The following RNF144A variants were observed in gnomAD, a reference collection of about 807,000 sequenced individuals.
The protein encoded by RNF144A is ring finger protein 144A.
RNF144A carries 11 observed loss-of-function variants against 38.7 expected under a neutral mutation model. The observed-to-expected ratio is 0.28, with a 90% confidence interval of 0.18 to 0.47. The LOEUF (loss-of-function observed/expected upper bound fraction) is 0.47. Among genes scored for constraint, RNF144A ranks in the 20% least tolerant of loss-of-function variants. RNF144A has a pLI of 0.99. For missense variants in RNF144A, 316 were observed against 377.2 expected, an observed-to-expected ratio of 0.84 and a Z score of 1.34; for synonymous variants, 149 against 143.9, an observed-to-expected ratio of 1.04 and a Z score of -0.25.
In RNF144A at chr2:7,042,868, T is replaced by C. The variant is rs1308294802; in HGVS notation, c.*3108T>C. On this transcript the variant is annotated 3_prime_UTR_variant, in exon 9 of 9. Transcript: ENST00000320892. ...CATCTGCCACCTCTGGCATTTTCTT[T>C]CTTTTTTTTTCTTTTTGAGACGGAG... 2 of 984,910 alleles carry C rather than the reference T, an allele frequency of 2.0e-6. No homozygotes were observed. Among genetic ancestry groups the C allele is most frequent in the East Asian group, 2.3e-4 (2 of 8,822 alleles). The allele number at this position is 984,910 out of a possible 1,614,324, so 61.0% of individuals were successfully genotyped here.
At chr2:7,032,102 G>A (rs1672343260) in intron 8 of RNF144A, among the ~76,000 whole-genome samples, 1 of 152,284 alleles carries the variant, frequency 6.6e-6, no homozygotes, top group Admixed American at 6.5e-5. Flanking sequence ...TGGCCCCCGG[G>A]CCATGGCGTA....
chr2:6,923,926 C>T (rs999256893), intron 1 of RNF144A, among the ~76,000 whole-genome samples: 4 of 152,138 alleles, frequency 2.6e-5, no homozygotes, highest in Non-Finnish European at 4.4e-5. Flanking sequence ...CTCATTTTTA[C>T]ATTCTCTCAG....
At chr2:7,032,863 C>G (rs565165333) in intron 8 of RNF144A, among the ~76,000 whole-genome samples, 7 of 152,218 alleles carry the variant, frequency 4.6e-5, no homozygotes, top group Non-Finnish European at 1.0e-4. Context: ...CCTACACCCC[C>G]CTCCCCACGC....
At chr2:7,017,812 G>A (rs537751338) in intron 5 of RNF144A, among the ~76,000 whole-genome samples, 37 of 152,308 alleles carry the variant, frequency 2.4e-4, no homozygotes, top group African/African-American at 8.7e-4. Context: ...TGTTCACAGG[G>A]TGTGACATGC....
intron 6 of RNF144A, among the ~76,000 whole-genome samples, chr2:7,059,302 T>C (rs557251357): frequency 5.3e-5 from 8 of 152,156 alleles, no homozygotes; most frequent in African/African-American, 1.9e-4. Context: ...GCTGAGATCA[T>C]GCCACTGCAC....
In RNF144A at chr2:7,040,964, G is replaced by C. The variant is rs976756675; in HGVS notation, c.*1204G>C. The C allele has an allele frequency of 1.0e-6, 1 of 985,236 alleles. No homozygotes were observed. Among genetic ancestry groups the C allele is most frequent in the Non-Finnish European group, 1.2e-6 (1 of 829,908 alleles). The allele number at this position is 985,236 out of a possible 1,614,324, so 61.0% of individuals were successfully genotyped here. A position where few individuals can be genotyped will look rare whatever the true frequency, so the allele number is the denominator to read the frequency against. The stretch of plus-strand genomic sequence containing the variant: ...CAGGGCTGTCTGTGACCATTTCCAT[G>C]GCAGCAGGATGCAGGGATTAATAAG... On this transcript the variant is annotated 3_prime_UTR_variant, in exon 9 of 9. Transcript: ENST00000320892.
downstream of RNF144A, among the ~76,000 whole-genome samples, chr2:7,047,810 T>C (rs915248000): frequency 6.6e-5 from 10 of 152,182 alleles, no homozygotes; most frequent in African/African-American, 2.4e-4. Flanking sequence ...ATGGGTTGTG[T>C]TTCATGCTCA....
intron 2 of RNF144A, among the ~76,000 whole-genome samples, chr2:6,982,099 G>T (rs1211361303): frequency 6.6e-6 from 1 of 152,194 alleles, no homozygotes; most frequent in Non-Finnish European, 1.5e-5. Context: ...CCATGATCCA[G>T]TCGCCTCCCA....
At chr2:7,003,994 G>A (rs1341581783) in intron 3 of RNF144A, among the ~76,000 whole-genome samples, 1 of 152,242 alleles carries the variant, frequency 6.6e-6, no homozygotes, top group Non-Finnish European at 1.5e-5. Flanking sequence ...CCAAACTAAT[G>A]AATGGGGAAC....
chr2:6,957,799 G>T (rs1422814502), intron 2 of RNF144A, among the ~76,000 whole-genome samples: 1 of 152,228 alleles, frequency 6.6e-6, no homozygotes, highest in Non-Finnish European at 1.5e-5. Context: ...TTAAGTAAAA[G>T]AAAATGTCCT....
intron 3 of RNF144A, among the ~76,000 whole-genome samples, chr2:6,998,297 A>G (rs767986815): frequency 2.0e-5 from 3 of 152,162 alleles, no homozygotes; most frequent in Non-Finnish European, 2.9e-5. Flanking sequence ...CCCACCCTGT[A>G]CACTGATGCA....
chr2:6,936,395 ATGCATG>A (rs1665582311), intron 1 of RNF144A, among the ~76,000 whole-genome samples: 1 of 152,188 alleles, frequency 6.6e-6, no homozygotes, highest in African/African-American at 2.4e-5. Flanking sequence ...GCATCTATAG[ATGCATG>A]TGTGTGTGTG....
At chr2:6,954,952 C>A (rs1185849018) in intron 2 of RNF144A, among the ~76,000 whole-genome samples, 1 of 152,118 alleles carries the variant, frequency 6.6e-6, no homozygotes, top group Non-Finnish European at 1.5e-5. Flanking sequence ...CACACACTAC[C>A]GTTTTTAAAA....
At chr2:7,020,422 C>T (rs1447148429) in intron 5 of RNF144A, 51 bp from the exon 6 acceptor site, 1 of 1,539,116 alleles carries the variant, frequency 6.5e-7, no homozygotes, top group African/African-American at 1.4e-5. Flanking sequence ...CTGAAGCCCA[C>T]ATGACCCTCT....
At chr2:7,047,569 C>T (rs1052026457), downstream of RNF144A, among the ~76,000 whole-genome samples, 2 of 152,144 alleles carry the variant, frequency 1.3e-5, no homozygotes, top group African/African-American at 4.8e-5. Flanking sequence ...AAGTACCTTC[C>T]TCGGGGTCCC....
intron 2 of RNF144A, among the ~76,000 whole-genome samples, chr2:6,942,550 A>G (rs1666069603): frequency 6.6e-6 from 1 of 152,236 alleles, no homozygotes; most frequent in South Asian, 2.1e-4. Flanking sequence ...AGCCCTTACC[A>G]TGTCCTTCCA....
At chr2:7,052,838 AACACACAC>A (rs10670138) in intron 6 of RNF144A, among the ~76,000 whole-genome samples, 1 of 149,988 alleles carries the variant, frequency 6.7e-6, no homozygotes, top group African/African-American at 2.5e-5. Flanking sequence ...CCCCCTTTCC[AACACACAC>A]ACACACACAC....
intron 2 of RNF144A, among the ~76,000 whole-genome samples, chr2:6,985,773 T>C (rs1218814134): frequency 6.6e-6 from 1 of 152,086 alleles, no homozygotes; most frequent in Non-Finnish European, 1.5e-5. Context: ...CCTGGGTTCA[T>C]GCCATTCTCC....
chr2:7,056,251 GTC>G (rs1268420534), intron 6 of RNF144A, among the ~76,000 whole-genome samples: 1 of 152,020 alleles, frequency 6.6e-6, no homozygotes, highest in East Asian at 1.9e-4. Context: ...TCCTTCGAAG[GTC>G]TCTCTATGCC....
Sources: gnomAD v4.1 joint callset for allele counts (sites outside exome capture counted in the v4.1 genomes callset) on GRCh38, gnomAD v4.1.1 for gene constraint, MANE v1.5 for transcripts, NCBI Gene and HGNC (gene_info 2026-07-23, HGNC 2026-07-21) for gene names.